The following KCNMB2 variants were observed in gnomAD, a reference collection of about 807,000 sequenced individuals.
KCNMB2 encodes potassium calcium-activated channel subfamily M regulatory beta subunit 2.
In KCNMB2, 9 loss-of-function variants were observed where a neutral mutation model predicts 24.5. The ratio of observed to expected loss-of-function variants is 0.37; its 90% CI spans 0.22 to 0.64. KCNMB2 has a LOEUF of 0.64. Among genes scored for constraint, KCNMB2 ranks in the 30% least tolerant of loss-of-function variants. The pLI is 0.63. For missense variants in KCNMB2, 226 were observed against 284.3 expected (o/e 0.79, Z 1.47); for synonymous variants, 109 against 104.4 (o/e 1.04, Z -0.27).
chr3:178,808,163 A>AAAGAC (rs1343499666), intron 2 of KCNMB2, among the ~76,000 whole-genome samples: 9 of 152,178 alleles, frequency 5.9e-5, no homozygotes, highest in Non-Finnish European at 1.3e-4. Flanking sequence ...AGCATTAATG[A>AAAGAC]AAGACAAGAT....
At chr3:178,712,375 G>A (rs1722482014) in intron 1 of KCNMB2, among the ~76,000 whole-genome samples, 1 of 152,168 alleles carries the variant, frequency 6.6e-6, no homozygotes, top group South Asian at 2.1e-4. Context: ...GTTGAAGGAG[G>A]TTGCAGTCAT....
At chr3:178,781,398 C>A (rs1469540067) in intron 1 of KCNMB2, among the ~76,000 whole-genome samples, 1 of 151,492 alleles carries the variant, frequency 6.6e-6, no homozygotes, top group African/African-American at 2.4e-5. Flanking sequence ...TTGAGACCAG[C>A]CTGGCCAACA....
At chr3:178,615,013 C>A (rs923604856) in intron 1 of KCNMB2, among the ~76,000 whole-genome samples, 4 of 152,220 alleles carry the variant, frequency 2.6e-5, no homozygotes, top group Admixed American at 2.0e-4. Context: ...GTGGTTCTTG[C>A]AGACTCATAG....
intron 1 of KCNMB2, among the ~76,000 whole-genome samples, chr3:178,636,697 T>C (rs1406145314): frequency 6.6e-6 from 1 of 152,218 alleles, no homozygotes; most frequent in Non-Finnish European, 1.5e-5. Context: ...TTTCCAAGAA[T>C]CGTCCTTCTC....
At chr3:178,594,518 T>G (rs188707195) in intron 1 of KCNMB2, among the ~76,000 whole-genome samples, 5 of 152,126 alleles carry the variant, frequency 3.3e-5, no homozygotes, top group Admixed American at 2.0e-4. Flanking sequence ...TCAAAGGAAT[T>G]GGAAAATTGG....
At chr3:178,551,977 C>T (rs570933937) in intron 1 of KCNMB2, among the ~76,000 whole-genome samples, 4 of 152,282 alleles carry the variant, frequency 2.6e-5, no homozygotes, top group Admixed American at 2.6e-4. Flanking sequence ...CTGTGAGGTC[C>T]TAAGAGGACC....
chr3:178,625,544 A>C (rs573053143), intron 1 of KCNMB2, among the ~76,000 whole-genome samples: 55 of 152,272 alleles, frequency 3.6e-4, no homozygotes, highest in Non-Finnish European at 6.9e-4. Context: ...CTATTATCTA[A>C]CTCATAGCAA....
At chr3:178,777,300 T>G (rs1228136617) in intron 1 of KCNMB2, among the ~76,000 whole-genome samples, 1 of 152,054 alleles carries the variant, frequency 6.6e-6, no homozygotes, top group African/African-American at 2.4e-5. Context: ...CTGGGTGTGA[T>G]GACGGGCGCC....
intron 1 of KCNMB2, among the ~76,000 whole-genome samples, chr3:178,621,356 C>T (rs941935384): frequency 4.1e-5 from 6 of 147,548 alleles, no homozygotes; most frequent in Admixed American, 3.4e-4. Context: ...CTAGGGATTC[C>T]TCCACCCTTC....
intron 1 of KCNMB2, among the ~76,000 whole-genome samples, chr3:178,700,775 A>AG (rs1459284129): frequency 6.6e-6 from 1 of 151,784 alleles, no homozygotes; most frequent in Non-Finnish European, 1.5e-5. Context: ...GTGTAAAAAA[A>AG]AAAACCAACA....
intron 1 of KCNMB2, among the ~76,000 whole-genome samples, chr3:178,700,725 G>C (rs887988891): frequency 6.6e-6 from 1 of 151,788 alleles, no homozygotes; most frequent in African/African-American, 2.4e-5. Flanking sequence ...ACTTTTTCCA[G>C]CTAACTCATC....
rs1294025400 is a variant in KCNMB2, at chr3:178,803,368, G to A, written c.-67-3975G>A. 4.6e-5 allele frequency among the ~76,000 whole-genome samples: 7 copies of A among 152,212 alleles called. No individual in the cohort carries two copies. In the East Asian group the frequency reaches 1.3e-3, roughly 29 times the overall value. Reference sequence around the variant, plus strand: ...AAGGGATAGATGGAGCTGGACAATTGAAAGAAGGAAAGAGAAGAAGTAGAG... The same window carrying A: ...AAGGGATAGATGGAGCTGGACAATTAAAAGAAGGAAAGAGAAGAAGTAGAG... On this transcript the variant is annotated intron_variant, in intron 1 of 4. Transcript: ENST00000452583.
At chr3:178,669,649 T>C (rs1245124327) in intron 1 of KCNMB2, among the ~76,000 whole-genome samples, 4 of 152,064 alleles carry the variant, frequency 2.6e-5, no homozygotes, top group African/African-American at 9.7e-5. Context: ...CAGGAACTTA[T>C]CATTTAGGAG....
intron 1 of KCNMB2, among the ~76,000 whole-genome samples, chr3:178,674,330 C>T (rs747087644): frequency 1.3e-5 from 2 of 151,446 alleles, no homozygotes; most frequent in Admixed American, 6.6e-5. Context: ...ACTTAGATGT[C>T]ATATATATAT....
intron 1 of KCNMB2, among the ~76,000 whole-genome samples, chr3:178,805,564 C>T (rs1358126206): frequency 6.6e-6 from 1 of 152,150 alleles, no homozygotes; most frequent in African/African-American, 2.4e-5. Context: ...GAGCTTGTTA[C>T]AAAGGCAGGC....
At chr3:178,840,320 G>T (rs972253693) in intron 4 of KCNMB2, among the ~76,000 whole-genome samples, 1 of 152,192 alleles carries the variant, frequency 6.6e-6, no homozygotes, top group South Asian at 2.1e-4. Flanking sequence ...GCTTTCCCGG[G>T]CTGGCTCTGA....
In KCNMB2 at chr3:178,821,002, C is replaced by T. The variant is rs746554259; in HGVS notation, c.57-4586C>T. ...ACACCAAGGCTAGATCAGCTTCAAA[C>T]TTATAAAGTCAAATTCCTGCTCTAC... On this transcript the variant is annotated intron_variant, in intron 2 of 4. Transcript: ENST00000452583. 6.6e-5 allele frequency among the ~76,000 whole-genome samples: 10 copies of T among 150,590 alleles called. No individual in the cohort carries two copies. In the East Asian group the frequency reaches 1.9e-3, roughly 29 times the overall value.
chr3:178,842,570 A>T, intron 4 of KCNMB2, 83 bp from the exon 5 acceptor site: 1 of 906,046 alleles, frequency 1.1e-6, no homozygotes, highest in South Asian at 1.6e-5. Context: ...CAGATCACTA[A>T]TTTGGACACA....
intron 1 of KCNMB2, among the ~76,000 whole-genome samples, chr3:178,618,398 C>G (rs1345151070): frequency 3.9e-5 from 6 of 152,120 alleles, no homozygotes; most frequent in African/African-American, 1.4e-4. Context: ...GCCCACAGAG[C>G]CTGCGTGCTG....
Sources: gnomAD v4.1 joint callset for allele counts (sites outside exome capture counted in the v4.1 genomes callset) on GRCh38, gnomAD v4.1.1 for gene constraint, MANE v1.5 for transcripts, NCBI Gene and HGNC (gene_info 2026-07-23, HGNC 2026-07-21) for gene names.